The following EYS variants were observed in gnomAD, a reference collection of about 807,000 sequenced individuals.
EYS encodes the protein EGF-like photoreceptor maintenance factor.
EYS carries 250 observed loss-of-function variants against 282.1 expected under a neutral mutation model. The observed-to-expected ratio is 0.89, with a 90% CI of 0.80 to 0.98. EYS has a LOEUF of 0.98. Ranked by LOEUF, EYS falls within the 50% of genes least tolerant of loss-of-function variation. EYS has a pLI of 0.00. For synonymous variants in EYS, 1,355 were observed against 1,282.9 expected, an observed-to-expected ratio of 1.06 and a Z score of -1.20; for missense variants, 4,016 against 3,709.0, an observed-to-expected ratio of 1.08 and a Z score of -2.15.
At chr6:63,993,822 G>A (rs1767711434) in intron 34 of EYS, among the ~76,000 whole-genome samples, 1 of 151,824 alleles carries the variant, frequency 6.6e-6, no homozygotes. Context: ...TGGCACCAAA[G>A]GATGCCAAAT....
At chr6:63,940,470 T>G (rs1262429060) in intron 35 of EYS, among the ~76,000 whole-genome samples, 4 of 152,202 alleles carry the variant, frequency 2.6e-5, no homozygotes, top group Non-Finnish European at 4.4e-5. Context: ...AGAAATTTAT[T>G]CATTATATGA....
At chr6:64,379,818 T>C (rs1388283827) in intron 29 of EYS, 2 of 152,168 alleles carry the variant, frequency 1.3e-5, no homozygotes, top group South Asian at 4.1e-4. Context: ...TATATGTACA[T>C]ATGCCTACAT....
intron 12 of EYS, among the ~76,000 whole-genome samples, chr6:65,079,400 T>C (rs1774153289): frequency 6.6e-6 from 1 of 152,100 alleles, no homozygotes; most frequent in Admixed American, 6.6e-5. Flanking sequence ...GACAACTTGA[T>C]ACATATAAAT....
chr6:64,024,925 C>A (rs1769410334), intron 33 of EYS, among the ~76,000 whole-genome samples: 1 of 152,158 alleles, frequency 6.6e-6, no homozygotes, highest in South Asian at 2.1e-4. Flanking sequence ...AGACCAAGAA[C>A]CCACCAATTC....
intron 31 of EYS, among the ~76,000 whole-genome samples, chr6:64,100,516 T>G (rs1472856501): frequency 6.6e-6 from 1 of 152,110 alleles, no homozygotes; most frequent in African/African-American, 2.4e-5. Context: ...TTCCACAGCA[T>G]TTTGCCTGGG....
intron 26 of EYS, among the ~76,000 whole-genome samples, chr6:64,561,166 G>A (rs1765382697): frequency 6.6e-6 from 1 of 152,036 alleles, no homozygotes. Context: ...GGTATTGAAG[G>A]AATATACTTC....
chr6:64,306,910 G>T (rs867236816), intron 30 of EYS, 60 bp downstream of exon 30: 5 of 804,288 alleles, frequency 6.2e-6, no homozygotes, highest in Admixed American at 4.7e-5. Flanking sequence ...AATTGGAAAT[G>T]ATATCTTTTG....
chr6:64,299,063 C>T (rs1369924598), intron 30 of EYS, among the ~76,000 whole-genome samples: 1 of 152,042 alleles, frequency 6.6e-6, no homozygotes, highest in Non-Finnish European at 1.5e-5. Context: ...CTTGGAAGGC[C>T]GGAAGGTTTT....
rs1250778067 is a variant in EYS at position 63,721,042 on chromosome 6, A to G, written c.8989T>C (p.Trp2997Arg). The G allele has an allele frequency of 6.4e-7, 1 of 1,551,372 alleles. No individual in the cohort carries two copies. The highest frequency in any genetic ancestry group is 2.4e-5 in the East Asian group (1 of 40,904). The change falls in exon 43 of 43, where the codon TGG (tryptophan) becomes CGG (arginine). Residue 2997 changes from tryptophan (W) to arginine (R), a missense_variant. Coordinates refer to ENST00000503581, the MANE Select transcript of EYS (RefSeq NM_001142800.2). ...TCTTCATTTTGAGCTATTCCCATCC[A>G]TACAATTAGACCTTCTGTTTTAGTG... Reference protein sequence around the residue: ...STTKTEGLIVWMGIAQNEEND... With the variant: ...STTKTEGLIVRMGIAQNEEND...
intron 2 of EYS, among the ~76,000 whole-genome samples, chr6:65,570,769 C>T (rs955595801): frequency 6.6e-6 from 1 of 152,130 alleles, no homozygotes; most frequent in Admixed American, 6.6e-5. Flanking sequence ...CATTCCTTTC[C>T]TTTTGCATTA....
chr6:64,604,387 A>G (rs1057321620), intron 24 of EYS, among the ~76,000 whole-genome samples: 8 of 152,038 alleles, frequency 5.3e-5, no homozygotes, highest in African/African-American at 1.9e-4. Context: ...AAAGAGGAGA[A>G]TAAAATCAAA....
In EYS at chr6:64,373,518, T is replaced by C. The variant is rs554999431; in HGVS notation, c.6078+15172A>G. On this transcript the variant is annotated intron_variant, in intron 29 of 42. Transcript: ENST00000503581. ...AGAGTTTAGGTGGAATTGGGACCAC[T>C]GGGTTGGAAGCTCTAGTGGGTGTAG... Among the ~76,000 whole-genome samples the C allele has an allele frequency of 8.5e-5, 13 of 152,322 alleles. No homozygotes were observed. The East Asian group carries it at 1.9e-3, about 23-fold the overall frequency.
intron 12 of EYS, among the ~76,000 whole-genome samples, chr6:65,247,686 G>A (rs1767215060): frequency 1.3e-5 from 2 of 151,958 alleles, no homozygotes; most frequent in Admixed American, 1.3e-4. Flanking sequence ...GTAAACCACA[G>A]AAGAAAATAG....
At chr6:64,993,967 A>T (rs189350706) in intron 14 of EYS, among the ~76,000 whole-genome samples, 2,356 of 151,622 alleles carry the variant, frequency 0.016, 59 homozygotes, top group African/African-American at 0.054. Flanking sequence ...GTTCTACTGC[A>T]CTATTTTTGT....
chr6:65,161,531 A>G (rs930758332), intron 12 of EYS, among the ~76,000 whole-genome samples: 1 of 151,114 alleles, frequency 6.6e-6, no homozygotes, highest in Non-Finnish European at 1.5e-5. Flanking sequence ...AATAATTCTT[A>G]TCATATAATA....
chr6:63,960,701 G>C (rs1375867598), intron 35 of EYS, among the ~76,000 whole-genome samples: 1 of 152,182 alleles, frequency 6.6e-6, no homozygotes, highest in Admixed American at 6.5e-5. Flanking sequence ...CTCTCTACCA[G>C]CAAAAGATTA....
intron 31 of EYS, among the ~76,000 whole-genome samples, chr6:64,219,728 G>T (rs186415100): frequency 6.6e-6 from 1 of 152,086 alleles, no homozygotes; most frequent in African/African-American, 2.4e-5. Context: ...TCGCCATTGC[G>T]CATGTATGTT....
intron 12 of EYS, among the ~76,000 whole-genome samples, chr6:65,187,870 T>C (rs190600702): frequency 6.6e-6 from 1 of 151,832 alleles, no homozygotes; most frequent in African/African-American, 2.4e-5. Context: ...AATTAATTTT[T>C]GCCTTTGAGA....
rs555953804 is a variant in EYS at position 63,857,254 on chromosome 6, G to A, written c.7228+6932C>T. Among the ~76,000 whole-genome samples the A allele has an allele frequency of 3.3e-5, 5 of 152,280 alleles. No homozygotes were observed. The South Asian group carries it at 8.3e-4, about 25-fold the overall frequency. On this transcript the variant is annotated intron_variant, in intron 36 of 42. Transcript: ENST00000503581. ...GAAAGAAGGAAGATTTGGAGGTCAT[G>A]CTACTCTTCAAGAGATTTTCCAGAG... is the stretch of plus-strand genomic sequence containing the variant.
Sources: allele counts gnomAD v4.1 joint callset (sites outside exome capture counted in the v4.1 genomes callset), GRCh38; gene constraint gnomAD v4.1.1; transcripts MANE v1.5; gene names NCBI Gene and HGNC (gene_info 2026-07-23, HGNC 2026-07-21).